The following MCU variants were observed in gnomAD, a reference collection of about 807,000 sequenced individuals.
The protein encoded by MCU is mitochondrial calcium uniporter.
A neutral mutation model predicts 45.2 loss-of-function variants in MCU; 12 were observed. That is an observed-to-expected ratio of 0.27 (90% CI 0.17 to 0.43). The LOEUF (loss-of-function observed/expected upper bound fraction) is 0.43, where lower values mean the gene tolerates loss of function less well. MCU is among the 20% of genes least tolerant of loss of function. The probability of loss-of-function intolerance (pLI) is 1.00; values close to 1 mark genes in which losing one functional copy is unlikely to be tolerated. For synonymous variants in MCU, 160 were observed against 165.1 expected (o/e 0.97, Z 0.24); for missense variants, 324 against 436.7 (o/e 0.74, Z 2.30).
chr10:72,737,588 C>G (rs1485835314), intron 1 of MCU, among the ~76,000 whole-genome samples: 3 of 151,176 alleles, frequency 2.0e-5, no homozygotes, highest in Non-Finnish European at 4.4e-5. Flanking sequence ...GGTGCGATCT[C>G]AGCTCACTGC....
chr10:72,696,389 A>G (rs961458275), intron 1 of MCU, among the ~76,000 whole-genome samples: 1 of 151,936 alleles, frequency 6.6e-6, no homozygotes, highest in East Asian at 1.9e-4. Flanking sequence ...CAGATTCAAT[A>G]ATTCCTAGCG....
At chr10:72,728,641 A>G (rs1400186793) in intron 1 of MCU, among the ~76,000 whole-genome samples, 2 of 152,226 alleles carry the variant, frequency 1.3e-5, no homozygotes, top group Non-Finnish European at 2.9e-5. Flanking sequence ...AAAGAAGAGC[A>G]GGATAGCTAA....
At chr10:72,848,425 A>C (rs1845154516) in intron 2 of MCU, among the ~76,000 whole-genome samples, 1 of 152,038 alleles carries the variant, frequency 6.6e-6, no homozygotes, top group Non-Finnish European at 1.5e-5. Flanking sequence ...GAAGACAGAG[A>C]GGGGAAATTG....
At chr10:72,754,441 G>A (rs1201583014) in intron 1 of MCU, among the ~76,000 whole-genome samples, 1 of 152,170 alleles carries the variant, frequency 6.6e-6, no homozygotes, top group African/African-American at 2.4e-5. Flanking sequence ...GTATCATGCA[G>A]GTTGGTTGAA....
intron 1 of MCU, among the ~76,000 whole-genome samples, chr10:72,729,438 C>A (rs1388766745): frequency 1.3e-5 from 2 of 152,142 alleles, no homozygotes; most frequent in African/African-American, 4.8e-5. Flanking sequence ...TCACTGCACT[C>A]CAGCCTAGGT....
chr10:72,800,494 C>T (rs1053260457), intron 1 of MCU, among the ~76,000 whole-genome samples: 5 of 152,068 alleles, frequency 3.3e-5, no homozygotes, highest in African/African-American at 7.2e-5. Flanking sequence ...AATACTCAAC[C>T]GGTAATGCAA....
At chr10:72,856,100 A>G (rs1845286127) in intron 2 of MCU, among the ~76,000 whole-genome samples, 1 of 152,228 alleles carries the variant, frequency 6.6e-6, no homozygotes, top group Admixed American at 6.5e-5. Context: ...TGAACTACTA[A>G]TAACAACATA....
rs143281513 is a variant in MCU, at chr10:72,834,725, G to A, written c.220+297G>A. ...TCGCCCAGGTGGAGTGCAGTGGCGCGATCTCAGCTTAGTGCAGCCTCTGCC... is the reference window on the plus strand; with the variant it reads ...TCGCCCAGGTGGAGTGCAGTGGCGCAATCTCAGCTTAGTGCAGCCTCTGCC... On this transcript the variant is annotated intron_variant, in intron 2 of 7. Transcript: ENST00000373053. Among the ~76,000 whole-genome samples, 124 of 152,212 alleles carry A rather than the reference G, an allele frequency of 8.1e-4. 1 individual carries two copies. Among genetic ancestry groups the A allele is most frequent in the Middle Eastern group, 3.4e-3 (1 of 294 alleles).
intron 1 of MCU, among the ~76,000 whole-genome samples, chr10:72,829,417 G>A (rs955126105): frequency 2.7e-5 from 4 of 150,606 alleles, no homozygotes; most frequent in Admixed American, 2.6e-4. Context: ...CTTTGTATCT[G>A]CCAAGATTTA....
intron 4 of MCU, among the ~76,000 whole-genome samples, chr10:72,865,060 A>ATAT (rs1372982983): frequency 6.6e-6 from 1 of 152,238 alleles, no homozygotes; most frequent in African/African-American, 2.4e-5. Flanking sequence ...AACTAAAGGT[A>ATAT]TATTAATCAA....
rs187031569 is a variant in MCU, at chr10:72,764,920, C to T, written c.151-69439C>T. Among the ~76,000 whole-genome samples, 6 of 151,930 alleles carry T rather than the reference C, an allele frequency of 3.9e-5. No individual in the cohort carries two copies. In the East Asian group the frequency reaches 5.8e-4, roughly 15 times the overall value. ...CATATTTATAGAACAGGAAAACATA[C>T]GACTTATATTGATGTGATTTTTGCC... On this transcript the variant is annotated intron_variant, in intron 1 of 7. Transcript: ENST00000373053.
At chr10:72,702,119 G>T (rs1031893704) in intron 1 of MCU, among the ~76,000 whole-genome samples, 1 of 151,194 alleles carries the variant, frequency 6.6e-6, no homozygotes. Flanking sequence ...TGGGGGGGAG[G>T]GGGGCGCCAT....
chr10:72,795,490 G>A (rs1167824462), intron 1 of MCU, among the ~76,000 whole-genome samples: 1 of 152,064 alleles, frequency 6.6e-6, no homozygotes, highest in Non-Finnish European at 1.5e-5. Flanking sequence ...TGTATGATAC[G>A]GTGATTTTAA....
chr10:72,720,951 A>G (rs1295396480), intron 1 of MCU: 2 of 152,288 alleles, frequency 1.3e-5, no homozygotes, highest in Non-Finnish European at 2.9e-5. Flanking sequence ...AGAGTTAGAT[A>G]CTGATTTCTA....
intron 1 of MCU, among the ~76,000 whole-genome samples, chr10:72,782,626 C>T (rs1006975764): frequency 6.6e-6 from 1 of 152,228 alleles, no homozygotes; most frequent in African/African-American, 2.4e-5. Flanking sequence ...CCTTGGCCTC[C>T]CAAAGTGTTG....
At chr10:72,699,670 C>T (rs1842732884) in intron 1 of MCU, among the ~76,000 whole-genome samples, 1 of 150,980 alleles carries the variant, frequency 6.6e-6, no homozygotes, top group South Asian at 2.1e-4. Context: ...CTGCTCTCTG[C>T]AGTCTCTGTC....
intron 1 of MCU, among the ~76,000 whole-genome samples, chr10:72,770,585 C>A (rs1843791105): frequency 6.6e-6 from 1 of 151,934 alleles, no homozygotes; most frequent in Non-Finnish European, 1.5e-5. Context: ...TTTAAAGACA[C>A]CAAGAGAAAT....
chr10:72,766,935 T>A (rs778124670), intron 1 of MCU: 1 of 152,192 alleles, frequency 6.6e-6, no homozygotes, highest in Non-Finnish European at 1.5e-5. Context: ...TATCTTTCAA[T>A]CTTTTTAAAA....
At chr10:72,799,190 C>T (rs1052251550) in intron 1 of MCU, among the ~76,000 whole-genome samples, 1 of 152,214 alleles carries the variant, frequency 6.6e-6, no homozygotes, top group African/African-American at 2.4e-5. Flanking sequence ...TCCCAAAATG[C>T]TGGGATTACA....
Sources: allele counts gnomAD v4.1 joint callset (sites outside exome capture counted in the v4.1 genomes callset), GRCh38; gene constraint gnomAD v4.1.1; transcripts MANE v1.5; gene names NCBI Gene and HGNC (gene_info 2026-07-23, HGNC 2026-07-21).